Variants in VCL observed in about 807,000 individuals in gnomAD.
VCL encodes the protein epididymis luminal protein 114.
Under a neutral mutation model 125.7 loss-of-function variants are expected in VCL, and 47 were observed. The observed-to-expected ratio is 0.37, with a 90% CI of 0.30 to 0.48. The LOEUF (loss-of-function observed/expected upper bound fraction) is 0.48. VCL is among the 20% of genes least tolerant of loss of function. The pLI, the probability that VCL is intolerant of heterozygous loss-of-function variation, is 0.99. For missense variants in VCL, 1,069 were observed against 1,455.5 expected, an observed-to-expected ratio of 0.73 and a Z score of 4.32; for synonymous variants, 458 against 514.6, an observed-to-expected ratio of 0.89 and a Z score of 1.49.
chr10:74,094,973 T>G (rs1839943140), intron 11 of VCL, among the ~76,000 whole-genome samples: 1 of 152,306 alleles, frequency 6.6e-6, no homozygotes, highest in South Asian at 2.1e-4. Context: ...TCTAAGTTAG[T>G]TATGCCCAGT....
intron 1 of VCL, among the ~76,000 whole-genome samples, chr10:74,002,586 A>G (rs1256669473): frequency 3.3e-5 from 5 of 151,884 alleles, no homozygotes; most frequent in Non-Finnish European, 5.9e-5. Context: ...GAGATGTGGT[A>G]AGAAAGGTAT....
chr10:74,104,135 GTC>G (rs1840098648), intron 15 of VCL, among the ~76,000 whole-genome samples: 1 of 152,144 alleles, frequency 6.6e-6, no homozygotes, highest in Non-Finnish European at 1.5e-5. Context: ...GACTCTTTGA[GTC>G]TCTTTTATTT....
rs1321660809 is a variant in VCL at position 74,072,780 on chromosome 10, C to T, written c.550C>T (p.His184Tyr). The T allele has an allele frequency of 6.2e-6, 10 of 1,614,096 alleles. No individual in the cohort carries two copies. The highest frequency in any genetic ancestry group is 8.5e-6 in the Non-Finnish European group (10 of 1,180,010). The change falls in exon 5 of 22, where the codon CAC becomes TAC. Residue 184 changes from histidine to tyrosine, a missense_variant. Physicochemically the swap from His to Tyr is moderately conservative, Grantham distance 83. This residue lies in a region of VCL where 760 missense variants were observed against 928.9 expected (regional missense o/e 0.82). Transcript: ENST00000211998. The part of the protein sequence containing the change: ...MIDERQQELT[H>Y]QEHRVMLVNS... ...TGACGAGAGACAGCAGGAGCTCACT[C>T]ACCAGGAGCACCGAGTGATGTTGGT...
chr10:74,107,198 C>T, intron 16 of VCL, 32 bp from the exon 17 acceptor site: 2 of 1,614,032 alleles, frequency 1.2e-6, no homozygotes, highest in Non-Finnish European at 1.7e-6. Flanking sequence ...CACTGACCCA[C>T]CCAGCTGAAA....
intron 6 of VCL, among the ~76,000 whole-genome samples, chr10:74,081,419 A>C (rs995837517): frequency 2.6e-5 from 4 of 152,122 alleles, no homozygotes; most frequent in Non-Finnish European, 5.9e-5. Flanking sequence ...CTAGTGGTGC[A>C]ACACCTTTAA....
intron 1 of VCL, among the ~76,000 whole-genome samples, chr10:73,998,624 T>C (rs980144441): frequency 6.6e-6 from 1 of 152,196 alleles, no homozygotes; most frequent in Non-Finnish European, 1.5e-5. Flanking sequence ...TGCGGGCTTG[T>C]CGTGAAGATA....
At chr10:74,034,050 A>AT (rs765732682) in intron 1 of VCL, among the ~76,000 whole-genome samples, 1 of 152,150 alleles carries the variant, frequency 6.6e-6, no homozygotes, top group Non-Finnish European at 1.5e-5. Context: ...ACTGTCTGTA[A>AT]TGCTTGGTAC....
At chr10:74,099,126 C>T (rs767301351) in intron 13 of VCL, among the ~76,000 whole-genome samples, 2 of 152,212 alleles carry the variant, frequency 1.3e-5, no homozygotes, top group Non-Finnish European at 2.9e-5. Flanking sequence ...ACTAGGCCAT[C>T]AATCAAATAA....
intron 4 of VCL, 25 bp from the exon 5 acceptor site, chr10:74,072,705 G>A (rs752418000): frequency 6.2e-7 from 1 of 1,613,660 alleles, no homozygotes; most frequent in Non-Finnish European, 8.5e-7. Flanking sequence ...TACTCACCCT[G>A]CACAATTTCT....
intron 8 of VCL, among the ~76,000 whole-genome samples, chr10:74,087,513 A>AT (rs1167937127): frequency 0.017 from 2,140 of 122,990 alleles, 48 homozygotes; most frequent in East Asian, 0.12. Flanking sequence ...CGCCTGGCTA[A>AT]TTTTTTTTTT....
At chr10:74,029,688 G>A (rs1840838929) in intron 1 of VCL, among the ~76,000 whole-genome samples, 1 of 152,146 alleles carries the variant, frequency 6.6e-6, no homozygotes, top group African/African-American at 2.4e-5. Flanking sequence ...CTATGTGATT[G>A]TGTTCTCATT....
chr10:74,046,503 A>G (rs1197126911), intron 2 of VCL, among the ~76,000 whole-genome samples: 1 of 152,200 alleles, frequency 6.6e-6, no homozygotes. Flanking sequence ...TTGGCCTCCC[A>G]AAGTGTTGGG....
chr10:74,095,563 G>A (rs1839954935), intron 11 of VCL, 93 bp from the exon 12 acceptor site: 2 of 1,542,504 alleles, frequency 1.3e-6, no homozygotes. Context: ...TCCAGCTTGG[G>A]TGATAGAGCA....
intron 11 of VCL, 94 bp from the exon 12 acceptor site, chr10:74,095,562 G>C (rs1459466425): frequency 6.5e-7 from 1 of 1,534,010 alleles, no homozygotes; most frequent in African/African-American, 1.4e-5. Context: ...CTCCAGCTTG[G>C]GTGATAGAGC....
chr10:74,090,265 CCTTT>C (rs932750967), intron 10 of VCL, 67 bp downstream of exon 10: 162 of 1,574,304 alleles, frequency 1.0e-4, no homozygotes, highest in East Asian at 2.7e-4. Context: ...CTTCCCTCTC[CCTTT>C]CTTTCTTTCT....
Position 74,109,003 on chromosome 10 carries a change from T to C in VCL, c.2592T>C (p.Pro864=). 1 of 1,614,080 alleles carries C rather than the reference T, an allele frequency of 6.2e-7. No individual in the cohort carries two copies. The highest frequency in any genetic ancestry group is 8.5e-7 in the Non-Finnish European group (1 of 1,179,942). Residue 864 remains proline, a synonymous_variant, in exon 18 of 22, where the codon CCT becomes CCC. Transcript: ENST00000211998. Reference sequence around the variant, plus strand: ...ATGAGCTTGCTCCTCCCAAACCACCTCTGCCTGAAGGTGAGGTCCCTCCAC... The same window carrying C: ...ATGAGCTTGCTCCTCCCAAACCACCCCTGCCTGAAGGTGAGGTCCCTCCAC... ...LTDELAPPKP[P]LPEGEVPPPR...
chr10:74,012,923 A>G (rs141175278), intron 1 of VCL, among the ~76,000 whole-genome samples: 127 of 152,138 alleles, frequency 8.3e-4, no homozygotes, highest in African/African-American at 1.7e-3. Flanking sequence ...AGGCCCTTCT[A>G]TCATGTACTT....
chr10:74,068,791 T>C (rs543571967), intron 2 of VCL, among the ~76,000 whole-genome samples: 1 of 152,246 alleles, frequency 6.6e-6, no homozygotes, highest in South Asian at 2.1e-4. Flanking sequence ...AAATACAACA[T>C]TGGAGGAAAC....
In VCL at chr10:74,094,278, G is replaced by A; in HGVS notation, c.1360G>A (p.Gly454Arg). The A allele has an allele frequency of 6.8e-6, 11 of 1,614,172 alleles. No homozygotes were observed. Among genetic ancestry groups the A allele is most frequent in the Non-Finnish European group, 9.3e-6 (11 of 1,180,046 alleles). Residue 454 changes from glycine (G) to arginine (R), a missense_variant, in exon 11 of 22, where the codon GGA (glycine) becomes AGA (arginine). Gly to Arg is a moderately radical substitution (Grantham distance 125, BLOSUM62 -2). Transcript: ENST00000211998. ...KLADLRRQGKGDSPEARALAK... is the reference protein window; with the variant it reads ...KLADLRRQGKRDSPEARALAK... ...CTGTCTTTTTCTCTGTAGGGGGAAA[G>A]GAGATTCTCCAGAGGCTCGAGCCTT...
Sources: gnomAD v4.1 joint callset for allele counts (sites outside exome capture counted in the v4.1 genomes callset) on GRCh38, gnomAD v4.1.1 for gene constraint, gnomAD v4.1.1 regional missense constraint, MANE v1.5 for transcripts, NCBI Gene and HGNC (gene_info 2026-07-23, HGNC 2026-07-21) for gene names.